The following HECW2 variants were observed in gnomAD, a reference collection of about 807,000 sequenced individuals.
HECW2 encodes E3 ubiquitin-protein ligase HECW2.
HECW2 carries 61 observed loss-of-function variants against 175.2 expected under a neutral mutation model. That is an observed-to-expected ratio of 0.35 (90% CI 0.28 to 0.43). The LOEUF (loss-of-function observed/expected upper bound fraction) is 0.43. HECW2 is among the 20% of genes least tolerant of loss of function. HECW2 has a pLI of 1.00. For missense variants in HECW2, 1,524 were observed against 2,000.5 expected, an observed-to-expected ratio of 0.76 and a Z score of 4.54; for synonymous variants, 671 against 731.0, an observed-to-expected ratio of 0.92 and a Z score of 1.32.
chr2:196,306,358 C>T, intron 13 of HECW2, 130 bp downstream of exon 13: 1 of 973,888 alleles, frequency 1.0e-6, no homozygotes. Context: ...CAGTGCTCAA[C>T]ACAAAGCTTG....
At chr2:196,477,505 A>C (rs1204615990) in intron 1 of HECW2, among the ~76,000 whole-genome samples, 15 of 152,236 alleles carry the variant, frequency 9.9e-5, no homozygotes, top group Admixed American at 9.8e-4. Flanking sequence ...ATTTTTCCTC[A>C]AAATCCCTTC....
intron 2 of HECW2, among the ~76,000 whole-genome samples, chr2:196,407,857 G>A (rs1202036078): frequency 2.6e-5 from 4 of 152,334 alleles, no homozygotes; most frequent in South Asian, 4.1e-4. Flanking sequence ...AGCACAGTGC[G>A]TGGTACCTTG....
chr2:196,367,420 T>C (rs1490486165), intron 2 of HECW2, among the ~76,000 whole-genome samples: 1 of 152,198 alleles, frequency 6.6e-6, no homozygotes, highest in Non-Finnish European at 1.5e-5. Context: ...AGGCATACAA[T>C]GCATAATAAT....
intron 1 of HECW2, among the ~76,000 whole-genome samples, chr2:196,507,931 C>T (rs1687823436): frequency 6.6e-6 from 1 of 152,160 alleles, no homozygotes; most frequent in Admixed American, 6.5e-5. Context: ...ATTTTTTCTC[C>T]TGTGACATTA....
At chr2:196,227,985 T>A in intron 22 of HECW2, 117 bp downstream of exon 22, 2 of 937,982 alleles carry the variant, frequency 2.1e-6, no homozygotes, top group Non-Finnish European at 3.1e-6. Flanking sequence ...GGTATTTAAC[T>A]GAAAATATGA....
At chr2:196,570,610 GT>G (rs1328946260) in intron 1 of HECW2, among the ~76,000 whole-genome samples, 5 of 152,164 alleles carry the variant, frequency 3.3e-5, no homozygotes, top group Non-Finnish European at 4.4e-5. Context: ...TAAATGACGA[GT>G]TGATGGGTGC....
chr2:196,538,462 G>A (rs16853493), intron 1 of HECW2, among the ~76,000 whole-genome samples: 7,965 of 152,164 alleles, frequency 0.052, 248 homozygotes, highest in Middle Eastern at 0.11. Context: ...AAGGTACACC[G>A]CACTTAGCAG....
chr2:196,433,934 A>C (rs1448356731), intron 1 of HECW2, among the ~76,000 whole-genome samples: 2 of 152,164 alleles, frequency 1.3e-5, no homozygotes, highest in Non-Finnish European at 2.9e-5. Context: ...TAAGAATGTA[A>C]CTCACTGAAA....
At chr2:196,389,985 G>A (rs1458797237) in intron 2 of HECW2, among the ~76,000 whole-genome samples, 2 of 151,980 alleles carry the variant, frequency 1.3e-5, no homozygotes, top group Non-Finnish European at 2.9e-5. Flanking sequence ...GATGGTTCAG[G>A]ACCTCTTTAG....
chr2:196,411,580 C>CT (rs1695111903), intron 2 of HECW2, among the ~76,000 whole-genome samples: 1 of 152,134 alleles, frequency 6.6e-6, no homozygotes, highest in Non-Finnish European at 1.5e-5. Flanking sequence ...CAGGAAATGC[C>CT]CAAGCTCAGG....
At chr2:196,564,886 C>G (rs1690124972) in intron 1 of HECW2, among the ~76,000 whole-genome samples, 1 of 150,670 alleles carries the variant, frequency 6.6e-6, no homozygotes, top group Non-Finnish European at 1.5e-5. Flanking sequence ...CAAATAAAAG[C>G]CTAATGAGCA....
At chr2:196,463,027 C>G (rs751164409) in intron 1 of HECW2, among the ~76,000 whole-genome samples, 1 of 152,128 alleles carries the variant, frequency 6.6e-6, no homozygotes, top group Non-Finnish European at 1.5e-5. Flanking sequence ...GCTTCTGAGT[C>G]TTGGTAGAAA....
intron 2 of HECW2, among the ~76,000 whole-genome samples, chr2:196,349,594 G>T (rs144428826): frequency 2.2e-4 from 33 of 152,160 alleles, no homozygotes; most frequent in African/African-American, 7.5e-4. Context: ...ACAGATGTGA[G>T]CCACCATGCC....
rs1382593468 is a variant in HECW2 at position 196,292,318 on chromosome 2, T to C, written c.3000+247A>G. 4 of 424,938 alleles carry C rather than the reference T, an allele frequency of 9.4e-6. No individual in the cohort carries two copies. The Admixed American group carries it at 1.6e-4, about 17-fold the overall frequency. 26.3% of individuals were successfully genotyped at this position (424,938 alleles called of 1,614,324 possible). ...TAGAGAGAGATGACAGGTAGGAGAGTTTCCAGGGAGAAGTGAATGCTTTGC... is the reference window on the plus strand; with the variant it reads ...TAGAGAGAGATGACAGGTAGGAGAGCTTCCAGGGAGAAGTGAATGCTTTGC... On this transcript the variant is annotated intron_variant, in intron 14 of 28. Coordinates refer to ENST00000644978, the MANE Select transcript of HECW2 (RefSeq NM_001348768.2).
intron 15 of HECW2, 98 bp downstream of exon 15, chr2:196,278,428 AAG>A: frequency 2.9e-6 from 4 of 1,390,466 alleles, no homozygotes; most frequent in South Asian, 2.9e-5. Flanking sequence ...AAAAAAAAAA[AAG>A]AAAAAATGCT....
chr2:196,432,587 A>G (rs1695748059), intron 2 of HECW2, among the ~76,000 whole-genome samples: 1 of 152,246 alleles, frequency 6.6e-6, no homozygotes, highest in Non-Finnish European at 1.5e-5. Context: ...GCAATTATTT[A>G]TAAGTCATTT....
rs149035203 is a variant in HECW2, at chr2:196,326,490, C to T, written c.572-1341G>A. 5.8e-3 allele frequency among the ~76,000 whole-genome samples: 875 copies of T among 151,064 alleles called. 8 individuals carry two copies. Among genetic ancestry groups the T allele is most frequent in the Middle Eastern group, 0.02 (6 of 294 alleles). On this transcript the variant is annotated intron_variant, in intron 5 of 28. Transcript: ENST00000644978. ...GACAGAGTCTCGTTGTGTCGCCAGG[C>T]TGGAGTGCTGTGGTGTGATCTTGGC... is the stretch of plus-strand genomic sequence containing the variant.
rs74798595 is a variant in HECW2 at position 196,331,267 on chromosome 2, A to G, written c.496-1617T>C. 6.6e-4 allele frequency: 650 copies of G among 984,938 alleles called. 4 individuals carry two copies. The African/African-American group carries it at 0.011, about 16-fold the overall frequency. 61.0% of individuals were successfully genotyped at this position (984,938 alleles called of 1,614,324 possible). ...AAACATGTGTGGTTTATTATATTGTATTGTACTCCTCTGACTCAGCGTTTC... is the reference window on the plus strand; with the variant it reads ...AAACATGTGTGGTTTATTATATTGTGTTGTACTCCTCTGACTCAGCGTTTC... On this transcript the variant is annotated intron_variant, in intron 4 of 28. Coordinates refer to ENST00000644978, the MANE Select transcript of HECW2 (RefSeq NM_001348768.2).
chr2:196,398,768 A>G (rs1236644171), intron 2 of HECW2, among the ~76,000 whole-genome samples: 1 of 152,192 alleles, frequency 6.6e-6, no homozygotes, highest in Non-Finnish European at 1.5e-5. Flanking sequence ...GACTCACGTT[A>G]TTCTGCAGAT....
Sources: gnomAD v4.1 joint callset for allele counts (sites outside exome capture counted in the v4.1 genomes callset) on GRCh38, gnomAD v4.1.1 for gene constraint, MANE v1.5 for transcripts, NCBI Gene and HGNC (gene_info 2026-07-23, HGNC 2026-07-21) for gene names.